Variants in CACNA1A observed in about 807,000 individuals in gnomAD.
CACNA1A encodes calcium voltage-gated channel subunit alpha1 A.
Under a neutral mutation model 262.4 loss-of-function variants are expected in CACNA1A, and 57 were observed. The ratio of observed to expected loss-of-function variants is 0.22; its 90% CI spans 0.18 to 0.27. The LOEUF (loss-of-function observed/expected upper bound fraction) is 0.27, where lower values mean the gene tolerates loss of function less well. Among genes scored for constraint, CACNA1A ranks in the 10% least tolerant of loss-of-function variants. CACNA1A has a pLI of 1.00. For synonymous variants in CACNA1A, 1,431 were observed against 1,419.3 expected, an observed-to-expected ratio of 1.01 and a Z score of -0.18; for missense variants, 2,526 against 3,562.8, an observed-to-expected ratio of 0.71 and a Z score of 7.41.
At chr19:13,480,403 GCTTA>G (rs1354710083) in intron 1 of CACNA1A, among the ~76,000 whole-genome samples, 1 of 151,960 alleles carries the variant, frequency 6.6e-6, no homozygotes, top group African/African-American at 2.4e-5. Context: ...CTCCTCCCTA[GCTTA>G]CTTTATTGTA....
Position 13,256,017 on chromosome 19 carries a change from C to T in CACNA1A, c.4591-758G>A, listed in dbSNP as rs138658589. ...CCTTTTTTTTTTTTTTTCTTTGACACGGGCTTGCTTTGTCACCCAGGCTGG... is the reference window on the plus strand; with the variant it reads ...CCTTTTTTTTTTTTTTTCTTTGACATGGGCTTGCTTTGTCACCCAGGCTGG... On this transcript the variant is annotated intron_variant, in intron 28 of 46. Transcript: ENST00000360228. Among the ~76,000 whole-genome samples the T allele has an allele frequency of 7.8e-3, 902 of 116,240 alleles. 8 individuals carry two copies. The highest frequency in any genetic ancestry group is 0.028 in the African/African-American group (862 of 31,304). The allele number at this position is 116,240 out of a possible 152,430, so 76.3% of individuals were successfully genotyped here. A position where few individuals can be genotyped will look rare whatever the true frequency, so the allele number is the denominator to read the frequency against.
intron 3 of CACNA1A, among the ~76,000 whole-genome samples, chr19:13,446,703 C>T (rs575581398): frequency 2.5e-4 from 37 of 150,962 alleles, no homozygotes; most frequent in South Asian, 1.5e-3. Context: ...GCGATCTGCC[C>T]GCCTCTGCCT....
At chr19:13,477,848 C>T (rs897414569) in intron 1 of CACNA1A, among the ~76,000 whole-genome samples, 29 of 152,148 alleles carry the variant, frequency 1.9e-4, no homozygotes, top group African/African-American at 6.8e-4. Flanking sequence ...ACTGTGGTGG[C>T]TTTTCTTTTG....
At chr19:13,258,605 G>A (rs910996379) in intron 27 of CACNA1A, 4 of 152,220 alleles carry the variant, frequency 2.6e-5, no homozygotes, top group African/African-American at 9.6e-5. Flanking sequence ...GGTGCCTTGT[G>A]GGTTAGCATT....
At chr19:13,438,424 C>G (rs1414628154) in intron 3 of CACNA1A, among the ~76,000 whole-genome samples, 1 of 152,252 alleles carries the variant, frequency 6.6e-6, no homozygotes, top group Non-Finnish European at 1.5e-5. Context: ...CTTAGAATCC[C>G]ATTGCTGCCA....
intron 30 of CACNA1A, among the ~76,000 whole-genome samples, chr19:13,246,986 T>TC (rs749541957): frequency 5.0e-4 from 76 of 152,320 alleles, no homozygotes; most frequent in Non-Finnish European, 9.0e-4. Flanking sequence ...CAGCCTCAAG[T>TC]CCCACAAGGT....
In CACNA1A at chr19:13,334,447, G is replaced by A. The variant is rs1406335642; in HGVS notation, c.1129C>T (p.Leu377=). The part of the protein sequence containing the change: ...RERVENRRAF[L]KLRRQQQIER... ...ATCTGTTGTTGCCGCCTCAGCTTCA[G>A]AAAAGCCCGCCGGTTCTCCACCCGT... The change falls in exon 8 of 47, where the codon CTG becomes TTG. Residue 377 remains leucine (L), a synonymous_variant. Coordinates refer to ENST00000360228, the MANE Select transcript of CACNA1A (RefSeq NM_001127222.2). 6.2e-7 allele frequency: 1 copy of A among 1,613,288 alleles called. No individual in the cohort carries two copies. Among genetic ancestry groups the A allele is most frequent in the Non-Finnish European group, 8.5e-7 (1 of 1,179,434 alleles).
At position 13,261,396 on chromosome 19, in the gene CACNA1A, C is replaced by A. The variant is rs571691780; in HGVS notation, c.4250+54G>T. 4.0e-6 allele frequency: 6 copies of A among 1,492,400 alleles called. No individual in the cohort carries two copies. In the African/African-American group the frequency reaches 5.5e-5, roughly 14 times the overall value. The allele number at this position is 1,492,400 out of a possible 1,614,324, so 92.4% of individuals were successfully genotyped here. On this transcript the variant is annotated intron_variant, in intron 26 of 46. Transcript: ENST00000360228. The stretch of plus-strand genomic sequence containing the variant: ...AGTGGCCAATGCCTCTAGCCACTTC[C>A]CCCCTGCCCACCTGCTGGTTCCAAT...
At chr19:13,282,840 C>G (rs1009054899) in intron 22 of CACNA1A, among the ~76,000 whole-genome samples, 1 of 152,180 alleles carries the variant, frequency 6.6e-6, no homozygotes, top group African/African-American at 2.4e-5. Context: ...AAAGCTTAGG[C>G]TGTGTTTCTG....
Position 13,335,552 on chromosome 19 carries a change from T to C in CACNA1A, c.1082+254A>G, listed in dbSNP as rs115015538. On this transcript the variant is annotated intron_variant, in intron 7 of 46. Coordinates refer to ENST00000360228, the MANE Select transcript of CACNA1A (RefSeq NM_001127222.2). ...TTATATTTGGAAAATGGGGGAGAAG[T>C]AAACCCAAACTATTGGTTTTTAAAA... 1.0e-2 allele frequency among the ~76,000 whole-genome samples: 1,520 copies of C among 152,248 alleles called. 21 individuals are homozygous for C. Among genetic ancestry groups the C allele is most frequent in the African/African-American group, 0.035 (1,448 of 41,560 alleles).
intron 1 of CACNA1A, among the ~76,000 whole-genome samples, chr19:13,482,123 G>C (rs565106176): frequency 5.9e-5 from 9 of 152,130 alleles, no homozygotes; most frequent in Non-Finnish European, 1.2e-4. Flanking sequence ...GAAGAGAGCA[G>C]ATACTGGCAT....
intron 6 of CACNA1A, among the ~76,000 whole-genome samples, chr19:13,354,793 G>A (rs1004803301): frequency 3.9e-5 from 6 of 151,948 alleles, no homozygotes; most frequent in African/African-American, 1.2e-4. Flanking sequence ...GGTAGGTTCT[G>A]ATCCAATACA....
chr19:13,251,690 G>T (rs1242709301), intron 30 of CACNA1A, among the ~76,000 whole-genome samples: 1 of 152,026 alleles, frequency 6.6e-6, no homozygotes, highest in Non-Finnish European at 1.5e-5. Context: ...TAATACTAAG[G>T]GTTTGTTATC....
rs1361081174 is a variant in CACNA1A at position 13,212,619 on chromosome 19, G to A, written c.6050+12C>T. On this transcript the variant is annotated intron_variant, in intron 41 of 46. Coordinates refer to ENST00000360228, the MANE Select transcript of CACNA1A (RefSeq NM_001127222.2). This position sits in a 1 kb window ranked among gnomAD's most constrained non-coding sequence, Gnocchi z 5.6. ...CCCCACACTCCACCTCCCTGGCAGG[G>A]GTGACACTCACAGGGCTCCTCCTGG... 3 of 1,514,304 alleles carry A rather than the reference G, an allele frequency of 2.0e-6. No individual in the cohort carries two copies. The highest frequency in any genetic ancestry group is 2.7e-6 in the Non-Finnish European group (3 of 1,125,532). 93.8% of individuals were successfully genotyped at this position (1,514,304 alleles called of 1,614,324 possible).
intron 18 of CACNA1A, among the ~76,000 whole-genome samples, chr19:13,299,862 G>A (rs1433664490): frequency 6.6e-6 from 1 of 152,186 alleles, no homozygotes; most frequent in Non-Finnish European, 1.5e-5. Context: ...CACAGACCTA[G>A]GTGTGGGGGG....
At position 13,241,551 on chromosome 19, in the gene CACNA1A, G is replaced by A. The variant is rs1007242419; in HGVS notation, c.4950+3631C>T. On this transcript the variant is annotated intron_variant, in intron 31 of 46. Coordinates refer to ENST00000360228, the MANE Select transcript of CACNA1A (RefSeq NM_001127222.2). The surrounding 1 kb of genome is among the most constrained non-coding windows in gnomAD (Gnocchi z 4.0). Reference sequence around the variant, plus strand: ...TCTAGATGCAGATGTTGAAGATGAGGGGGAGCGGGCGGGCGGGGGCAGTTG... The same window carrying A: ...TCTAGATGCAGATGTTGAAGATGAGAGGGAGCGGGCGGGCGGGGGCAGTTG... The A allele has an allele frequency of 2.1e-6, 3 of 1,400,806 alleles. No homozygotes were observed. Among genetic ancestry groups the A allele is most frequent in the African/African-American group, 2.8e-5 (2 of 71,102 alleles). 86.8% of individuals were successfully genotyped at this position (1,400,806 alleles called of 1,614,324 possible).
intron 6 of CACNA1A, among the ~76,000 whole-genome samples, chr19:13,357,876 G>C (rs1054874504): frequency 1.3e-4 from 20 of 152,118 alleles, no homozygotes; most frequent in African/African-American, 4.6e-4. Context: ...GTATGGTGGT[G>C]TGTGCCTGTG....
chr19:13,229,519 C>A (rs978642002), intron 36 of CACNA1A, among the ~76,000 whole-genome samples: 1 of 152,158 alleles, frequency 6.6e-6, no homozygotes, highest in Non-Finnish European at 1.5e-5. Flanking sequence ...GGTGTCTACC[C>A]AGATGGGAGC....
At chr19:13,339,134 A>G (rs10420663) in intron 6 of CACNA1A, among the ~76,000 whole-genome samples, 104,514 of 151,318 alleles carry the variant, frequency 0.69, 36,172 homozygotes, top group Admixed American at 0.76. Context: ...AAAGTGCTGT[A>G]ATTACAGGCG....
Sources: gnomAD v4.1 joint callset for allele counts (sites outside exome capture counted in the v4.1 genomes callset) on GRCh38, gnomAD v4.1.1 for gene constraint, Gnocchi (gnomAD v3.1) non-coding constraint, MANE v1.5 for transcripts, NCBI Gene and HGNC (gene_info 2026-07-23, HGNC 2026-07-21) for gene names.